GRID2: variants seen among roughly 807,000 people sequenced by gnomAD.
GRID2 encodes glutamate ionotropic receptor delta type subunit 2.
GRID2 carries 33 observed loss-of-function variants against 114.8 expected under a neutral mutation model. That is an observed-to-expected ratio of 0.29 (90% CI 0.22 to 0.38). GRID2 has a LOEUF of 0.38. Ranked by LOEUF, GRID2 falls within the 10% of genes least tolerant of loss-of-function variation. The pLI, the probability that GRID2 is intolerant of heterozygous loss-of-function variation, is 1.00. For synonymous variants in GRID2, 505 were observed against 449.9 expected, an observed-to-expected ratio of 1.12 and a Z score of -1.55; for missense variants, 1,184 against 1,257.7, an observed-to-expected ratio of 0.94 and a Z score of 0.89.
chr4:93,729,709 C>G (rs1730305727), intron 14 of GRID2, among the ~76,000 whole-genome samples: 1 of 152,006 alleles, frequency 6.6e-6, no homozygotes, highest in African/African-American at 2.4e-5. Flanking sequence ...CCACACCCAG[C>G]TAATTTTTAT....
intron 2 of GRID2, among the ~76,000 whole-genome samples, chr4:92,645,586 C>T (rs971694021): frequency 5.3e-5 from 8 of 151,622 alleles, no homozygotes; most frequent in Non-Finnish European, 1.0e-4. Context: ...AAGTAATATC[C>T]AGATCAGGAT....
At position 93,514,807 on chromosome 4, in the gene GRID2, G is replaced by A. The variant is rs538797008; in HGVS notation, c.1998-409G>A. Among the ~76,000 whole-genome samples the A allele has an allele frequency of 5.3e-5, 8 of 152,228 alleles. No individual in the cohort carries two copies. The East Asian group carries it at 1.2e-3, about 22-fold the overall frequency. ...AAATTCTATAATTTTATACAAATAAGCCTTGCTACGTAAAGGAATGTAGAA... is the reference window on the plus strand; with the variant it reads ...AAATTCTATAATTTTATACAAATAAACCTTGCTACGTAAAGGAATGTAGAA... On this transcript the variant is annotated intron_variant, in intron 12 of 15. Coordinates refer to ENST00000282020, the MANE Select transcript of GRID2 (RefSeq NM_001510.4).
chr4:92,861,262 T>C (rs1379424396), intron 2 of GRID2, among the ~76,000 whole-genome samples: 1 of 152,082 alleles, frequency 6.6e-6, no homozygotes, highest in Non-Finnish European at 1.5e-5. Context: ...GAAGGGACTT[T>C]TAAAGGATGG....
At chr4:93,714,010 G>C (rs915125028) in intron 14 of GRID2, among the ~76,000 whole-genome samples, 1 of 152,034 alleles carries the variant, frequency 6.6e-6, no homozygotes, top group South Asian at 2.1e-4. Context: ...CATGTGCCAT[G>C]GTGGTTTGCT....
chr4:92,333,432 C>T (rs552896655), intron 1 of GRID2, among the ~76,000 whole-genome samples: 2 of 152,244 alleles, frequency 1.3e-5, no homozygotes, highest in Non-Finnish European at 2.9e-5. Flanking sequence ...TCAGAAATGC[C>T]TTTAGGGTCA....
intron 2 of GRID2, among the ~76,000 whole-genome samples, chr4:92,709,463 A>C (rs972021267): frequency 1.3e-5 from 2 of 151,650 alleles, no homozygotes; most frequent in Non-Finnish European, 2.9e-5. Context: ...GCAATTTTTC[A>C]AATGATCTAC....
At chr4:93,548,920 C>T (rs748977389) in intron 13 of GRID2, among the ~76,000 whole-genome samples, 8 of 151,794 alleles carry the variant, frequency 5.3e-5, no homozygotes, top group Admixed American at 6.6e-5. Context: ...GGATTGTGAC[C>T]TTGATTTCTT....
chr4:93,554,250 C>T (rs940098494), intron 13 of GRID2, among the ~76,000 whole-genome samples: 5 of 152,136 alleles, frequency 3.3e-5, no homozygotes, highest in African/African-American at 1.2e-4. Flanking sequence ...AACTGAGCCT[C>T]ATCCCTCTTT....
intron 4 of GRID2, among the ~76,000 whole-genome samples, chr4:93,181,050 C>T (rs893501396): frequency 6.6e-6 from 1 of 152,084 alleles, no homozygotes; most frequent in African/African-American, 2.4e-5. Flanking sequence ...CCAAATATAT[C>T]AGAAGAATCA....
At chr4:93,028,396 A>T (rs145396115) in intron 2 of GRID2, among the ~76,000 whole-genome samples, 9 of 152,030 alleles carry the variant, frequency 5.9e-5, no homozygotes, top group Non-Finnish European at 1.2e-4. Context: ...TGCAAAACCA[A>T]CGCTGCTTGG....
chr4:93,461,523 A>T (rs1236980562), intron 11 of GRID2, among the ~76,000 whole-genome samples: 2 of 152,154 alleles, frequency 1.3e-5, no homozygotes, highest in Non-Finnish European at 2.9e-5. Context: ...TTCATGTGTT[A>T]TCAGACAGAT....
At position 92,782,032 on chromosome 4, in the gene GRID2, G is replaced by A. The variant is rs542923376; in HGVS notation, c.244+191746G>A. ...GTACAGTATCTGGATTTTAATGGAGGCTTCATAAGAGTTTTCTGACTGAAA... is the reference window on the plus strand; with the variant it reads ...GTACAGTATCTGGATTTTAATGGAGACTTCATAAGAGTTTTCTGACTGAAA... On this transcript the variant is annotated intron_variant, in intron 2 of 15. Coordinates refer to ENST00000282020, the MANE Select transcript of GRID2 (RefSeq NM_001510.4). Among the ~76,000 whole-genome samples, 5 of 152,030 alleles carry A rather than the reference G, an allele frequency of 3.3e-5. No homozygotes were observed. The East Asian group carries it at 9.7e-4, about 29-fold the overall frequency.
At chr4:92,719,727 G>C (rs1021539271) in intron 2 of GRID2, among the ~76,000 whole-genome samples, 15 of 151,998 alleles carry the variant, frequency 9.9e-5, no homozygotes, top group Admixed American at 2.6e-4. Flanking sequence ...GAGAACTACA[G>C]GGGGGAGAAT....
intron 8 of GRID2, among the ~76,000 whole-genome samples, chr4:93,320,167 TAGA>T (rs1560495032): frequency 6.6e-6 from 1 of 152,042 alleles, no homozygotes; most frequent in Admixed American, 6.6e-5. Flanking sequence ...AATCAATTGT[TAGA>T]AGAAGACAAT....
chr4:92,965,659 T>C (rs573087323), intron 2 of GRID2, among the ~76,000 whole-genome samples: 3 of 151,716 alleles, frequency 2.0e-5, no homozygotes, highest in Admixed American at 1.3e-4. Context: ...TTTTACTTAT[T>C]GTTGCAATGG....
chr4:93,472,871 A>C (rs1035559062), intron 11 of GRID2, among the ~76,000 whole-genome samples: 2 of 152,230 alleles, frequency 1.3e-5, no homozygotes, highest in African/African-American at 2.4e-5. Context: ...TAGCTGAAGT[A>C]ATGCAAAGCT....
rs548128882 is a variant in GRID2, at chr4:93,140,470, A to G, written c.735+29517A>G. On this transcript the variant is annotated intron_variant, in intron 4 of 15. Coordinates refer to ENST00000282020, the MANE Select transcript of GRID2 (RefSeq NM_001510.4). The stretch of plus-strand genomic sequence containing the variant: ...ACCGCGCCCGGCTGGAATCCGTGTC[A>G]TTTTTTTATGGACAGTTGGCATTTG... Among the ~76,000 whole-genome samples, 728 of 152,090 alleles carry G rather than the reference A, an allele frequency of 4.8e-3. 10 individuals are homozygous for G. Among genetic ancestry groups the G allele is most frequent in the African/African-American group, 0.017 (697 of 41,520 alleles).
intron 1 of GRID2, among the ~76,000 whole-genome samples, chr4:92,417,276 C>T (rs950199571): frequency 7.2e-5 from 11 of 152,012 alleles, no homozygotes; most frequent in Non-Finnish European, 1.2e-4. Context: ...ATATAAGTAA[C>T]GGAGAATTTA....
chr4:92,644,382 T>C (rs1009227754), intron 2 of GRID2, among the ~76,000 whole-genome samples: 1 of 151,764 alleles, frequency 6.6e-6, no homozygotes, highest in African/African-American at 2.4e-5. Flanking sequence ...ATAAACAAGA[T>C]GAAGAATTTG....
Sources: allele counts gnomAD v4.1 joint callset (sites outside exome capture counted in the v4.1 genomes callset), GRCh38; gene constraint gnomAD v4.1.1; transcripts MANE v1.5; gene names NCBI Gene and HGNC (gene_info 2026-07-23, HGNC 2026-07-21).